CYRIB: variants seen among roughly 807,000 people sequenced by gnomAD.
CYRIB encodes the protein CYFIP-related Rac1 interactor B.
Under a neutral mutation model 44.2 loss-of-function variants are expected in CYRIB, and 8 were observed. The ratio of observed to expected loss-of-function variants is 0.18; its 90% CI spans 0.11 to 0.33. The LOEUF (loss-of-function observed/expected upper bound fraction) is 0.33, where lower values mean the gene tolerates loss of function less well. CYRIB is among the 10% of genes least tolerant of loss of function. The probability of loss-of-function intolerance (pLI) is 1.00; values close to 1 mark genes in which losing one functional copy is unlikely to be tolerated. For missense variants in CYRIB, 185 were observed against 382.8 expected (o/e 0.48, Z 4.31); for synonymous variants, 131 against 127.2 (o/e 1.03, Z -0.20).
In CYRIB at chr8:129,993,568, G is replaced by A. The variant is rs545038622; in HGVS notation, c.-295-22573C>T. ...AAAAATTAGTCAGGTGTGGTGGCAG[G>A]CACCTGTAGTCCCAGCTACTCGGGA... On this transcript the variant is annotated intron_variant, in intron 1 of 14. Coordinates refer to the CYRIB transcript ENST00000401979. Among the ~76,000 whole-genome samples, 311 of 151,664 alleles carry A rather than the reference G, an allele frequency of 2.1e-3. 1 individual carries two copies. Among genetic ancestry groups the A allele is most frequent in the Non-Finnish European group, 4.0e-3 (275 of 67,922 alleles).
In CYRIB at chr8:129,867,127, T is replaced by C. The variant is rs932220389; in HGVS notation, c.195+4248A>G. On this transcript the variant is annotated intron_variant, in intron 4 of 11. Transcript: ENST00000519824. ...AACACAGCAAGTCTGTCTCTCTGTC[T>C]CTATTGATTTATTTTGATGGAGTTT... is the stretch of plus-strand genomic sequence containing the variant. Among the ~76,000 whole-genome samples, 5 of 152,122 alleles carry C rather than the reference T, an allele frequency of 3.3e-5. No individual in the cohort carries two copies. The East Asian group carries it at 9.6e-4, about 29-fold the overall frequency.
intron 2 of CYRIB, among the ~76,000 whole-genome samples, chr8:129,894,988 A>G (rs1489635555): frequency 6.8e-6 from 1 of 147,770 alleles, no homozygotes; most frequent in African/African-American, 2.5e-5. Context: ...CCCAGGCTGG[A>G]GTGTAGTGGT....
At chr8:129,855,879 T>G (rs1177097946) in intron 5 of CYRIB, 132 bp from the exon 8 acceptor site, 2 of 778,296 alleles carry the variant, frequency 2.6e-6, no homozygotes, top group Non-Finnish European at 4.0e-6. Context: ...CTAAACATAA[T>G]AAAACTAATT....
At chr8:129,967,513 G>A (rs1342862005) in intron 2 of CYRIB, among the ~76,000 whole-genome samples, 1 of 151,982 alleles carries the variant, frequency 6.6e-6, no homozygotes, top group East Asian at 1.9e-4. Context: ...CCGAGTAGCT[G>A]GGACTACAGG....
At chr8:129,854,685 G>A (rs931345377) in intron 6 of CYRIB, among the ~76,000 whole-genome samples, 1 of 152,204 alleles carries the variant, frequency 6.6e-6, no homozygotes, top group South Asian at 2.1e-4. Flanking sequence ...GGTCAACAGA[G>A]CAATCCTCAA....
Position 129,854,362 on chromosome 8 carries a change from GA to G in CYRIB, c.439-20del. On this transcript the variant is annotated intron_variant, in intron 6 of 11. Coordinates refer to ENST00000519824, the Ensembl canonical transcript of CYRIB. ...TTGTCATCTGAAGAAGACAGTTGTG[GA>G]AAAAAAATGTTATGTACTAAATGCT... The G allele has an allele frequency of 1.0e-5, 16 of 1,565,844 alleles. No individual in the cohort carries two copies. The highest frequency in any genetic ancestry group is 3.8e-5 in the Admixed American group (2 of 52,342).
intron 2 of CYRIB, among the ~76,000 whole-genome samples, chr8:129,960,146 T>C (rs1368020036): frequency 6.6e-6 from 1 of 152,230 alleles, no homozygotes; most frequent in East Asian, 1.9e-4. Context: ...AATAAATCAC[T>C]GAATGAAAGA....
At chr8:129,987,882 T>C (rs1366263709) in intron 1 of CYRIB, among the ~76,000 whole-genome samples, 2 of 152,170 alleles carry the variant, frequency 1.3e-5, no homozygotes, top group Non-Finnish European at 2.9e-5. Flanking sequence ...CCACCGTTTC[T>C]AGTACACAAA....
chr8:129,873,322 A>G (rs919936351), intron 3 of CYRIB, among the ~76,000 whole-genome samples: 5 of 151,932 alleles, frequency 3.3e-5, no homozygotes, highest in African/African-American at 1.2e-4. Flanking sequence ...TTGCAACTAA[A>G]TGGTTAGCTT....
At chr8:129,867,879 G>GA (rs1554708018) in intron 4 of CYRIB, among the ~76,000 whole-genome samples, 1 of 151,462 alleles carries the variant, frequency 6.6e-6, no homozygotes, top group Non-Finnish European at 1.5e-5. Flanking sequence ...CAATTTTATA[G>GA]TTTTTTTTTA....
At chr8:129,925,169 A>G (rs138814685) in intron 1 of CYRIB, among the ~76,000 whole-genome samples, 2,302 of 152,132 alleles carry the variant, frequency 0.015, 68 homozygotes, top group African/African-American at 0.053. Flanking sequence ...AGGCCGAGGA[A>G]GATGGATCAC....
intron 2 of CYRIB, among the ~76,000 whole-genome samples, chr8:129,961,216 G>A (rs1437343471): frequency 1.3e-5 from 2 of 152,138 alleles, no homozygotes; most frequent in Non-Finnish European, 2.9e-5. Flanking sequence ...ACCAGGGGGA[G>A]GTCTCATTCA....
intron 1 of CYRIB, among the ~76,000 whole-genome samples, chr8:129,920,341 C>G (rs932453426): frequency 6.6e-6 from 1 of 152,086 alleles, no homozygotes; most frequent in African/African-American, 2.4e-5. Context: ...TCAATACACA[C>G]AACTATAAAT....
At chr8:130,011,231 G>A (rs556141584) in intron 1 of CYRIB, among the ~76,000 whole-genome samples, 58 of 152,242 alleles carry the variant, frequency 3.8e-4, no homozygotes, top group African/African-American at 1.2e-3. Context: ...TTTCAAGAAC[G>A]CTGAGGCGGC....
intron 2 of CYRIB, among the ~76,000 whole-genome samples, chr8:129,894,781 T>C (rs1415927435): frequency 6.6e-6 from 1 of 152,098 alleles, no homozygotes; most frequent in African/African-American, 2.4e-5. Flanking sequence ...TTGTTCCTTT[T>C]GCTCTTCCAG....
At chr8:129,850,732 C>T (rs2042828507) in intron 9 of CYRIB, 103 bp downstream of exon 11, 1 of 820,462 alleles carries the variant, frequency 1.2e-6, no homozygotes, top group African/African-American at 1.7e-5. Context: ...TTACTTTCCA[C>T]CTTCCAGATA....
chr8:129,975,291 C>T (rs1262293017), intron 1 of CYRIB, among the ~76,000 whole-genome samples: 1 of 152,214 alleles, frequency 6.6e-6, no homozygotes, highest in Admixed American at 6.5e-5. Flanking sequence ...GCTGGGATTA[C>T]AGGCGTGAGC....
At chr8:129,929,610 C>T (rs1205458310) in intron 1 of CYRIB, among the ~76,000 whole-genome samples, 1 of 151,910 alleles carries the variant, frequency 6.6e-6, no homozygotes, top group Non-Finnish European at 1.5e-5. Flanking sequence ...TTTCTAGATG[C>T]CAAAGCCAAA....
At chr8:129,958,556 C>T (rs1468326960) in intron 2 of CYRIB, among the ~76,000 whole-genome samples, 1 of 152,128 alleles carries the variant, frequency 6.6e-6, no homozygotes. Context: ...TACATAATAG[C>T]TACTCTATTA....
Sources: allele counts gnomAD v4.1 joint callset (sites outside exome capture counted in the v4.1 genomes callset), GRCh38; gene constraint gnomAD v4.1.1; transcripts MANE v1.5; gene names NCBI Gene and HGNC (gene_info 2026-07-23, HGNC 2026-07-21).